PIK3R3: variants seen among roughly 807,000 people sequenced by gnomAD.
The protein encoded by PIK3R3 is phosphoinositide-3-kinase regulatory subunit 3.
In PIK3R3, 64 loss-of-function variants were observed where a neutral mutation model predicts 62.9. The ratio of observed to expected loss-of-function variants is 1.02; its 90% CI spans 0.83 to 1.25. PIK3R3 has a LOEUF of 1.25. Ranked by LOEUF, PIK3R3 falls within the 50% of genes most tolerant of loss-of-function variation. The pLI is 0.00. For missense variants in PIK3R3, 614 were observed against 561.6 expected, an observed-to-expected ratio of 1.09 and a Z score of -0.94; for synonymous variants, 165 against 189.0, an observed-to-expected ratio of 0.87 and a Z score of 1.04.
At chr1:46,051,212 G>C (rs759304770) in intron 7 of PIK3R3, among the ~76,000 whole-genome samples, 13 of 151,934 alleles carry the variant, frequency 8.6e-5, no homozygotes, top group Non-Finnish European at 1.8e-4. Context: ...TCTCAATAAA[G>C]TTGTAAAAGC....
chr1:46,106,008 A>G (rs1315585924), intron 1 of PIK3R3, among the ~76,000 whole-genome samples: 4 of 152,242 alleles, frequency 2.6e-5, no homozygotes, highest in African/African-American at 7.2e-5. Context: ...TAACTTACAC[A>G]TGGCAATTAT....
chr1:46,087,426 A>T (rs1651177383), intron 1 of PIK3R3, among the ~76,000 whole-genome samples: 1 of 152,078 alleles, frequency 6.6e-6, no homozygotes. Flanking sequence ...AAAGTTTACC[A>T]AACAGGTAGA....
intron 1 of PIK3R3, among the ~76,000 whole-genome samples, chr1:46,102,742 C>G (rs763534033): frequency 7.7e-6 from 1 of 130,712 alleles, no homozygotes; most frequent in Non-Finnish European, 1.6e-5. Flanking sequence ...GGAGGTTCCT[C>G]AAAAAAAATT....
intron 6 of PIK3R3, among the ~76,000 whole-genome samples, chr1:46,060,113 TAAAAC>T (rs888474769): frequency 1.3e-5 from 2 of 149,788 alleles, no homozygotes; most frequent in African/African-American, 4.9e-5. Flanking sequence ...AATAAATAAA[TAAAAC>T]AAAACGTTAT....
chr1:46,164,553 C>T, the PIK3R3 span, among the ~76,000 whole-genome samples: 85 of 152,222 alleles, frequency 5.6e-4, 3 homozygotes, highest in South Asian at 0.017. Context: ...CGCTTGAACC[C>T]GGGAGGCGGA....
intron 1 of PIK3R3, among the ~76,000 whole-genome samples, chr1:46,090,387 G>C (rs991210285): frequency 6.6e-6 from 1 of 151,794 alleles, no homozygotes; most frequent in Non-Finnish European, 1.5e-5. Flanking sequence ...GATGGAGTGC[G>C]GTGGCGCAAT....
In PIK3R3 at chr1:46,132,476, C is replaced by G; in HGVS notation, c.-524G>C. 2 of 1,201,800 alleles carry G rather than the reference C, an allele frequency of 1.7e-6. No homozygotes were observed. Among genetic ancestry groups the G allele is most frequent in the Non-Finnish European group, 2.1e-6 (2 of 947,236 alleles). 74.4% of individuals were successfully genotyped at this position (1,201,800 alleles called of 1,614,324 possible). ...AGAGCGAATCCCCCAGAGGCCGGGA[C>G]TCGGGCTCCTCTCCGGTCGGTCTCG... On this transcript the variant is annotated 5_prime_UTR_variant, in exon 1 of 10. Coordinates refer to ENST00000262741, the MANE Select transcript of PIK3R3 (RefSeq NM_003629.4).
chr1:46,147,559 A>T, the PIK3R3 span, among the ~76,000 whole-genome samples: 1 of 152,160 alleles, frequency 6.6e-6, no homozygotes, highest in Non-Finnish European at 1.5e-5. Context: ...CTGGGACTAC[A>T]GGCGCCCACC....
chr1:46,103,203 T>A (rs1431199698), intron 1 of PIK3R3, among the ~76,000 whole-genome samples: 2 of 152,158 alleles, frequency 1.3e-5, no homozygotes, highest in Admixed American at 1.3e-4. Context: ...GGTACAGAGT[T>A]TCAGATGTGC....
intron 2 of PIK3R3, among the ~76,000 whole-genome samples, chr1:46,080,408 C>CT (rs1031756656): frequency 3.8e-4 from 57 of 148,272 alleles, no homozygotes; most frequent in African/African-American, 8.4e-4. Flanking sequence ...TTACAATGCT[C>CT]TTTTTTTTTG....
rs1031388121 is a variant in PIK3R3 at position 46,045,617 on chromosome 1, C to CTTTT, written c.1187+297_1187+300dup. 9.6e-3 allele frequency among the ~76,000 whole-genome samples: 203 copies of CTTTT among 21,186 alleles called. 53 individuals are homozygous for CTTTT. The highest frequency in any genetic ancestry group is 0.018 in the African/African-American group (84 of 4,554). 13.9% of individuals were successfully genotyped at this position (21,186 alleles called of 152,430 possible). A position where few individuals can be genotyped will look rare whatever the true frequency, so the allele number is the denominator to read the frequency against. ...TAGGATACTACTAAACAATTAAGTGCTTTTTTTTTTTTTTTTTTTTTTTTT... is the reference window on the plus strand; with the variant it reads ...TAGGATACTACTAAACAATTAAGTGCTTTTTTTTTTTTTTTTTTTTTTTTTTTTT... On this transcript the variant is annotated intron_variant, in intron 9 of 9. Coordinates refer to ENST00000262741, the MANE Select transcript of PIK3R3 (RefSeq NM_003629.4).
chr1:46,130,914 G>T (rs1316793333), intron 1 of PIK3R3, among the ~76,000 whole-genome samples: 1 of 151,574 alleles, frequency 6.6e-6, no homozygotes, highest in Non-Finnish European at 1.5e-5. Flanking sequence ...GACTTTAAAG[G>T]AAAAAAAAGC....
chr1:46,110,422 T>TGAGCCACCACGCCCAGCCC lies in PIK3R3; in HGVS notation c.106+21406_106+21424dup, dbSNP rs1553154300. Among the ~76,000 whole-genome samples, 5 of 151,982 alleles carry TGAGCCACCACGCCCAGCCC rather than the reference T, an allele frequency of 3.3e-5. No individual in the cohort carries two copies. The East Asian group carries it at 7.7e-4, about 24-fold the overall frequency. On this transcript the variant is annotated intron_variant, in intron 1 of 9. Coordinates refer to ENST00000262741, the MANE Select transcript of PIK3R3 (RefSeq NM_003629.4). ...CAGGTGTGAGCCACCAGGCTCAGCC[T>TGAGCCACCACGCCCAGCCC]GAGCCACCACGCCCAGCCCAGCTAC...
At chr1:46,104,078 C>A (rs1427351530) in intron 1 of PIK3R3, among the ~76,000 whole-genome samples, 1 of 151,644 alleles carries the variant, frequency 6.6e-6, no homozygotes, top group African/African-American at 2.4e-5. Flanking sequence ...GGATGCACCA[C>A]CATGCCTGGC....
the PIK3R3 span, among the ~76,000 whole-genome samples, chr1:46,155,453 CT>C: frequency 9.4e-4 from 137 of 145,418 alleles, no homozygotes; most frequent in African/African-American, 8.7e-4. Context: ...TCTTTTTTTC[CT>C]TTTTTTTTTT....
the PIK3R3 span, among the ~76,000 whole-genome samples, chr1:46,170,798 C>T: frequency 6.6e-6 from 1 of 152,224 alleles, no homozygotes; most frequent in Non-Finnish European, 1.5e-5. Context: ...TGCCTATCCC[C>T]AGCAGGAAAT....
At chr1:46,105,864 T>A (rs1053074480) in intron 1 of PIK3R3, among the ~76,000 whole-genome samples, 6 of 151,906 alleles carry the variant, frequency 3.9e-5, no homozygotes, top group Admixed American at 6.6e-5. Flanking sequence ...AATTAATTAA[T>A]TAAATAAAAA....
chr1:46,169,369 T>C, the PIK3R3 span, among the ~76,000 whole-genome samples: 18 of 152,274 alleles, frequency 1.2e-4, no homozygotes, highest in East Asian at 3.3e-3. Flanking sequence ...TCATAGGCAT[T>C]GACACATTTA....
At chr1:46,152,907 T>A in the PIK3R3 span, among the ~76,000 whole-genome samples, 1 of 152,322 alleles carries the variant, frequency 6.6e-6, no homozygotes, top group African/African-American at 2.4e-5. Context: ...GTTTTCCCCC[T>A]CCTGAAGACC....
Sources: allele counts gnomAD v4.1 joint callset (sites outside exome capture counted in the v4.1 genomes callset), GRCh38; gene constraint gnomAD v4.1.1; transcripts MANE v1.5; gene names NCBI Gene and HGNC (gene_info 2026-07-23, HGNC 2026-07-21).